The following RAB38 variants were observed in gnomAD, a reference collection of about 807,000 sequenced individuals.
RAB38 encodes the protein ras-related protein Rab-38.
In RAB38, 15 loss-of-function variants were observed where a neutral mutation model predicts 18.4. That is an observed-to-expected ratio of 0.82 (90% CI 0.55 to 1.26). The LOEUF is 1.26. Among genes scored for constraint, RAB38 ranks in the 50% most tolerant of loss-of-function variants. RAB38 has a pLI of 0.00. For missense variants in RAB38, 294 were observed against 267.4 expected (o/e 1.10, Z -0.69); for synonymous variants, 101 against 104.4 (o/e 0.97, Z 0.20).
At chr11:87,879,945 G>A in the RAB38 span, 3 of 151,472 alleles carry the variant, frequency 2.0e-5, no homozygotes, top group Admixed American at 2.0e-4. Context: ...CTTTATCAAA[G>A]CACTCATCTT....
chr11:88,038,977 GCTTTC>G, the RAB38 span, among the ~76,000 whole-genome samples: 1 of 152,088 alleles, frequency 6.6e-6, no homozygotes, highest in Admixed American at 6.6e-5. Flanking sequence ...AGAGCTCCTG[GCTTTC>G]CTTTTATAAG....
At chr11:88,012,083 G>A in the RAB38 span, among the ~76,000 whole-genome samples, 3 of 152,152 alleles carry the variant, frequency 2.0e-5, no homozygotes, top group African/African-American at 7.2e-5. Flanking sequence ...TGCCATGAGT[G>A]GGGTCCAGTC....
At chr11:87,955,000 T>G in the RAB38 span, among the ~76,000 whole-genome samples, 7 of 152,112 alleles carry the variant, frequency 4.6e-5, no homozygotes, top group Non-Finnish European at 1.0e-4. Context: ...TGGAGTAAAT[T>G]TGGTGAAAAG....
At chr11:87,945,798 G>A in the RAB38 span, among the ~76,000 whole-genome samples, 1 of 152,138 alleles carries the variant, frequency 6.6e-6, no homozygotes, top group South Asian at 2.1e-4. Flanking sequence ...AAATGTAAAA[G>A]CTGCCCTGCT....
intron 1 of RAB38, among the ~76,000 whole-genome samples, chr11:88,162,963 G>A (rs1163325395): frequency 6.6e-6 from 1 of 152,010 alleles, no homozygotes; most frequent in Non-Finnish European, 1.5e-5. Flanking sequence ...ATTCTTTAAG[G>A]TTGTACCCAA....
chr11:87,966,668 A>T, the RAB38 span, among the ~76,000 whole-genome samples: 1 of 152,146 alleles, frequency 6.6e-6, no homozygotes, highest in African/African-American at 2.4e-5. Flanking sequence ...GTACCAGATG[A>T]CTGGCATTGT....
the RAB38 span, among the ~76,000 whole-genome samples, chr11:87,809,279 T>C: frequency 5.3e-5 from 8 of 152,174 alleles, no homozygotes; most frequent in African/African-American, 1.9e-4. Context: ...ACAAAAGATT[T>C]GCCAAGAAAT....
chr11:88,110,235 G>A (rs555409409), downstream of RAB38, among the ~76,000 whole-genome samples: 1 of 152,196 alleles, frequency 6.6e-6, no homozygotes, highest in South Asian at 2.1e-4. Flanking sequence ...GATGAAGCTG[G>A]AAACCATCAT....
At chr11:87,857,132 T>C in the RAB38 span, among the ~76,000 whole-genome samples, 1 of 152,072 alleles carries the variant, frequency 6.6e-6, no homozygotes, top group African/African-American at 2.4e-5. Flanking sequence ...TTTGTCCTTG[T>C]GATAGTTTGC....
chr11:87,874,562 T>C, the RAB38 span, among the ~76,000 whole-genome samples: 1 of 151,258 alleles, frequency 6.6e-6, no homozygotes, highest in Non-Finnish European at 1.5e-5. Context: ...GATGAGTTAA[T>C]GGGTGCAGCA....
the RAB38 span, among the ~76,000 whole-genome samples, chr11:87,825,559 C>T: frequency 4.5e-4 from 69 of 152,180 alleles, no homozygotes; most frequent in African/African-American, 1.5e-3. Flanking sequence ...TAGGGCCACC[C>T]TTATGGCCTC....
the RAB38 span, among the ~76,000 whole-genome samples, chr11:87,821,826 G>C: frequency 6.7e-6 from 1 of 149,604 alleles, no homozygotes; most frequent in Non-Finnish European, 1.5e-5. Flanking sequence ...ACTCCACCCT[G>C]GGCGAAAGAG....
the RAB38 span, among the ~76,000 whole-genome samples, chr11:88,072,801 A>C: frequency 3.9e-5 from 6 of 152,174 alleles, no homozygotes; most frequent in Non-Finnish European, 8.8e-5. Flanking sequence ...TACTTTCAAA[A>C]AGTAGAAAAA....
At chr11:88,079,316 A>T in the RAB38 span, among the ~76,000 whole-genome samples, 4 of 151,872 alleles carry the variant, frequency 2.6e-5, no homozygotes, top group Admixed American at 6.6e-5. Context: ...AAAAGATGAT[A>T]GCTAGATGAA....
In RAB38 at chr11:88,149,781, G is replaced by A. The variant is rs201341587; in HGVS notation, c.377C>T (p.Ala126Val). 12 of 1,613,958 alleles carry A rather than the reference G, an allele frequency of 7.4e-6. No homozygotes were observed. Among genetic ancestry groups the A allele is most frequent in the Non-Finnish European group, 7.6e-6 (9 of 1,180,008 alleles). ...NGKPVSVVLL[A>V]NKCDQGKDVL... ...ATCCTTCCCCTGGTCACATTTGTTG[G>A]CCAACAAAACCACTGAAACCGGTTT... The change falls in exon 2 of 3, where the codon GCC becomes GTC. Residue 126 changes from alanine to valine, a missense_variant. Coordinates refer to ENST00000243662, the MANE Select transcript of RAB38 (RefSeq NM_022337.3).
chr11:88,042,826 G>T, the RAB38 span, among the ~76,000 whole-genome samples: 2 of 152,168 alleles, frequency 1.3e-5, no homozygotes, highest in East Asian at 3.9e-4. Context: ...CCTGACCCAG[G>T]GCTCAAGGCT....
the RAB38 span, among the ~76,000 whole-genome samples, chr11:87,937,004 C>A: frequency 2.6e-5 from 4 of 151,866 alleles, no homozygotes; most frequent in Non-Finnish European, 5.9e-5. Context: ...CTTTTAGCAA[C>A]ATGTTGAATA....
intron 2 of RAB38, among the ~76,000 whole-genome samples, chr11:88,136,188 C>A (rs1942832238): frequency 6.6e-6 from 1 of 152,190 alleles, no homozygotes; most frequent in Non-Finnish European, 1.5e-5. Flanking sequence ...GGTCCACAGA[C>A]AGGCTACAGA....
At chr11:88,049,612 C>A in the RAB38 span, among the ~76,000 whole-genome samples, 2 of 152,194 alleles carry the variant, frequency 1.3e-5, no homozygotes, top group Non-Finnish European at 1.5e-5. Flanking sequence ...GTTTGGTGGT[C>A]TCTTCACATG....
Sources: allele counts gnomAD v4.1 joint callset (sites outside exome capture counted in the v4.1 genomes callset), GRCh38; gene constraint gnomAD v4.1.1; transcripts MANE v1.5; gene names NCBI Gene and HGNC (gene_info 2026-07-23, HGNC 2026-07-21).